The following EYS variants were observed in gnomAD, a reference collection of about 807,000 sequenced individuals.
EYS encodes EGF-like photoreceptor maintenance factor, also known as protein eyes shut homolog.
In EYS, 250 loss-of-function variants were observed where a neutral mutation model predicts 282.1. That is an observed-to-expected ratio of 0.89 (90% CI 0.80 to 0.98). The LOEUF is 0.98. EYS is among the 50% of genes least tolerant of loss of function. The probability of loss-of-function intolerance (pLI) is 0.00; values close to 1 mark genes in which losing one functional copy is unlikely to be tolerated. For synonymous variants in EYS, 1,355 were observed against 1,282.9 expected (o/e 1.06, Z -1.20); for missense variants, 4,016 against 3,709.0 (o/e 1.08, Z -2.15).
chr6:64,215,788 G>T (rs958854611), intron 31 of EYS, among the ~76,000 whole-genome samples: 1 of 152,044 alleles, frequency 6.6e-6, no homozygotes, highest in South Asian at 2.1e-4. Flanking sequence ...CTAGGAGAGA[G>T]ACTAAGTTAA....
chr6:64,378,840 T>C (rs956379301), intron 29 of EYS, among the ~76,000 whole-genome samples: 1 of 152,164 alleles, frequency 6.6e-6, no homozygotes, highest in Non-Finnish European at 1.5e-5. Context: ...AAAGCACTAT[T>C]GCATGTCATG....
At chr6:64,258,017 T>C (rs1007103250) in intron 30 of EYS, among the ~76,000 whole-genome samples, 8 of 152,018 alleles carry the variant, frequency 5.3e-5, no homozygotes, top group African/African-American at 1.2e-4. Flanking sequence ...CAAATCTTAA[T>C]ATGGCTCTTG....
At chr6:65,702,448 T>C (rs1769710418) in intron 1 of EYS, among the ~76,000 whole-genome samples, 1 of 152,184 alleles carries the variant, frequency 6.6e-6, no homozygotes, top group Non-Finnish European at 1.5e-5. Flanking sequence ...TTCCAGCATT[T>C]TGGGGGACCC....
chr6:64,661,074 A>G (rs1370558400), intron 22 of EYS, among the ~76,000 whole-genome samples: 1 of 152,212 alleles, frequency 6.6e-6, no homozygotes, highest in African/African-American at 2.4e-5. Flanking sequence ...GCCCTCAGAA[A>G]TAATGCCACA....
intron 5 of EYS, among the ~76,000 whole-genome samples, chr6:65,447,127 G>A (rs944345246): frequency 3.3e-5 from 5 of 151,000 alleles, no homozygotes; most frequent in Non-Finnish European, 7.4e-5. Flanking sequence ...TTTAAAGGTT[G>A]CACAGAAGTA....
At chr6:64,704,845 T>C (rs565027559) in intron 22 of EYS, among the ~76,000 whole-genome samples, 1 of 152,158 alleles carries the variant, frequency 6.6e-6, no homozygotes, top group Admixed American at 6.5e-5. Flanking sequence ...CATAAAACCA[T>C]CTATCACAAA....
intron 36 of EYS, among the ~76,000 whole-genome samples, chr6:63,839,709 C>T (rs568681380): frequency 6.8e-4 from 104 of 152,264 alleles, no homozygotes; most frequent in Non-Finnish European, 1.3e-3. Context: ...CTTTGACACA[C>T]TGCTTTCCTT....
intron 35 of EYS, among the ~76,000 whole-genome samples, chr6:63,968,239 A>T (rs1216014518): frequency 6.6e-6 from 1 of 152,224 alleles, no homozygotes; most frequent in Non-Finnish European, 1.5e-5. Flanking sequence ...TATCAGAGAA[A>T]TTATTAGTGC....
At chr6:64,364,016 T>C (rs1772110787) in intron 29 of EYS, among the ~76,000 whole-genome samples, 1 of 151,996 alleles carries the variant, frequency 6.6e-6, no homozygotes, top group Non-Finnish European at 1.5e-5. Flanking sequence ...TCTTCAGCCT[T>C]TTATGACACA....
intron 11 of EYS, chr6:65,329,690 A>G (rs1167325307): frequency 1.0e-6 from 1 of 980,862 alleles, no homozygotes; most frequent in Non-Finnish European, 1.2e-6. Context: ...ACTTGTTAAT[A>G]AAATCACGGA....
intron 31 of EYS, among the ~76,000 whole-genome samples, chr6:64,181,806 C>G (rs1438619639): frequency 6.6e-6 from 1 of 152,062 alleles, no homozygotes; most frequent in Non-Finnish European, 1.5e-5. Context: ...GAAGATTTTT[C>G]TAAGGGTTAG....
intron 29 of EYS, among the ~76,000 whole-genome samples, chr6:64,323,910 CA>C (rs1263883293): frequency 6.6e-6 from 1 of 152,100 alleles, no homozygotes; most frequent in Admixed American, 6.6e-5. Flanking sequence ...GTTGACTTTA[CA>C]TTTGAACATT....
intron 30 of EYS, among the ~76,000 whole-genome samples, chr6:64,272,544 C>T (rs1337252336): frequency 6.6e-6 from 1 of 152,110 alleles, no homozygotes; most frequent in African/African-American, 2.4e-5. Context: ...CTTAGTTTGG[C>T]TGGATATGTA....
chr6:65,397,940 A>G (rs1766349671), intron 7 of EYS, among the ~76,000 whole-genome samples: 1 of 152,042 alleles, frequency 6.6e-6, no homozygotes, highest in South Asian at 2.1e-4. Context: ...CTTTTTAGTA[A>G]TAACCATTCT....
chr6:63,847,675 G>A (rs1001850823), intron 36 of EYS, among the ~76,000 whole-genome samples: 1 of 152,122 alleles, frequency 6.6e-6, no homozygotes, highest in South Asian at 2.1e-4. Flanking sequence ...TTTTGCCTGA[G>A]TTGACAAAAT....
chr6:63,724,253 A>G (rs1175899479), intron 42 of EYS, among the ~76,000 whole-genome samples: 2 of 152,132 alleles, frequency 1.3e-5, no homozygotes, highest in East Asian at 1.9e-4. Context: ...TTGTTCTGCT[A>G]TTGTTTCTAC....
At chr6:64,631,738 T>C (rs1767790265) in intron 22 of EYS, 1 of 152,070 alleles carries the variant, frequency 6.6e-6, no homozygotes, top group South Asian at 2.1e-4. Context: ...CTTTATTTGT[T>C]TATTAACAAA....
At chr6:63,889,113 CA>C (rs35566092) in intron 35 of EYS, among the ~76,000 whole-genome samples, 2 of 152,122 alleles carry the variant, frequency 1.3e-5, no homozygotes, top group Non-Finnish European at 2.9e-5. Flanking sequence ...AAGGAATAAA[CA>C]AGGCCTCCAA....
chr6:64,722,527 A>C (rs1013653924), intron 22 of EYS, among the ~76,000 whole-genome samples: 1 of 152,004 alleles, frequency 6.6e-6, no homozygotes. Flanking sequence ...AAAAAAAAAA[A>C]AACCAGAAAC....
Sources: allele counts gnomAD v4.1 joint callset (sites outside exome capture counted in the v4.1 genomes callset), GRCh38; gene constraint gnomAD v4.1.1; transcripts MANE v1.5; gene names NCBI Gene and HGNC (gene_info 2026-07-23, HGNC 2026-07-21).